Variants in CACNA2D1 observed in about 807,000 individuals in gnomAD.
CACNA2D1 encodes the protein calcium voltage-gated channel auxiliary subunit alpha2delta 1.
In CACNA2D1, 53 loss-of-function variants were observed where a neutral mutation model predicts 171.5. The ratio of observed to expected loss-of-function variants is 0.31; its 90% CI spans 0.25 to 0.39. The LOEUF (loss-of-function observed/expected upper bound fraction) is 0.39, where lower values mean the gene tolerates loss of function less well. CACNA2D1 is among the 10% of genes least tolerant of loss of function. The pLI, the probability that CACNA2D1 is intolerant of heterozygous loss-of-function variation, is 1.00. For synonymous variants in CACNA2D1, 442 were observed against 443.1 expected (o/e 1.00, Z 0.03); for missense variants, 903 against 1,299.8 (o/e 0.69, Z 4.69).
At chr7:82,071,240 G>A (rs1808288941) in intron 7 of CACNA2D1, among the ~76,000 whole-genome samples, 1 of 152,162 alleles carries the variant, frequency 6.6e-6, no homozygotes, top group African/African-American at 2.4e-5. Context: ...TTTTAGACAA[G>A]ATAGTTAATC....
intron 3 of CACNA2D1, among the ~76,000 whole-genome samples, chr7:82,326,962 A>C (rs1474942003): frequency 6.6e-6 from 1 of 152,242 alleles, no homozygotes; most frequent in Non-Finnish European, 1.5e-5. Flanking sequence ...TTTGTGCAAA[A>C]GTAATTGCAG....
chr7:82,222,239 T>C (rs1801849771), intron 3 of CACNA2D1, among the ~76,000 whole-genome samples: 1 of 152,294 alleles, frequency 6.6e-6, no homozygotes, highest in African/African-American at 2.4e-5. Context: ...ATTTAGATGA[T>C]GTTCAGCCAG....
At chr7:82,286,085 C>T (rs1272693292) in intron 3 of CACNA2D1, among the ~76,000 whole-genome samples, 4 of 152,106 alleles carry the variant, frequency 2.6e-5, no homozygotes, top group Non-Finnish European at 5.9e-5. Flanking sequence ...ACCACTGTTT[C>T]GTACTTTTTC....
intron 3 of CACNA2D1, among the ~76,000 whole-genome samples, chr7:82,267,710 C>T (rs1808048551): frequency 6.6e-6 from 1 of 151,898 alleles, no homozygotes; most frequent in African/African-American, 2.4e-5. Flanking sequence ...AACCTACAAA[C>T]TCGGCTGGGT....
At chr7:82,272,457 G>C (rs1808763234) in intron 3 of CACNA2D1, among the ~76,000 whole-genome samples, 1 of 152,128 alleles carries the variant, frequency 6.6e-6, no homozygotes, top group Admixed American at 6.6e-5. Context: ...CTCACAAATA[G>C]CATAAAGTAG....
At chr7:82,198,026 G>C (rs1799026825) in intron 3 of CACNA2D1, among the ~76,000 whole-genome samples, 1 of 152,030 alleles carries the variant, frequency 6.6e-6, no homozygotes, top group Non-Finnish European at 1.5e-5. Context: ...TACAGAGAGA[G>C]GAATCCCAGT....
At chr7:82,108,714 A>C (rs1399928183) in intron 6 of CACNA2D1, among the ~76,000 whole-genome samples, 1 of 152,220 alleles carries the variant, frequency 6.6e-6, no homozygotes, top group Admixed American at 6.5e-5. Context: ...GTTCTCTATG[A>C]ATATGCATGT....
rs1012669758 is a variant in CACNA2D1, at chr7:82,400,018, G to A, written c.95+43347C>T. On this transcript the variant is annotated intron_variant, in intron 1 of 38. Transcript: ENST00000356860. Reference sequence around the variant, plus strand: ...GATAAGATCAGATAGTTGTAGATATGCGGCGTTATTTCTGAGGGCTCTGTT... The same window carrying A: ...GATAAGATCAGATAGTTGTAGATATACGGCGTTATTTCTGAGGGCTCTGTT... 4.6e-5 allele frequency among the ~76,000 whole-genome samples: 7 copies of A among 151,970 alleles called. No individual in the cohort carries two copies. In the South Asian group the frequency reaches 1.0e-3, roughly 23 times the overall value.
At chr7:82,172,624 T>C (rs1055267130) in intron 3 of CACNA2D1, among the ~76,000 whole-genome samples, 2 of 139,552 alleles carry the variant, frequency 1.4e-5, no homozygotes, top group African/African-American at 5.6e-5. Flanking sequence ...GGCTTTTTTT[T>C]TTTTTTTTTT....
At chr7:82,060,378 G>T in intron 10 of CACNA2D1, 50 bp downstream of exon 10, 1 of 1,207,624 alleles carries the variant, frequency 8.3e-7, no homozygotes, top group Non-Finnish European at 1.2e-6. Context: ...GTCAGGAGAA[G>T]ATAGAAATTG....
chr7:82,059,380 A>G (rs1173917449), intron 10 of CACNA2D1, among the ~76,000 whole-genome samples: 1 of 152,194 alleles, frequency 6.6e-6, no homozygotes, highest in Non-Finnish European at 1.5e-5. Flanking sequence ...GACTTTAATA[A>G]GAGCACATTC....
At chr7:82,106,406 T>C (rs915356349) in intron 6 of CACNA2D1, among the ~76,000 whole-genome samples, 3 of 152,148 alleles carry the variant, frequency 2.0e-5, no homozygotes, top group South Asian at 2.1e-4. Flanking sequence ...GGCCTGTCAT[T>C]TGTTATACGC....
chr7:82,090,310 T>G (rs572720287), intron 6 of CACNA2D1, among the ~76,000 whole-genome samples: 58 of 152,150 alleles, frequency 3.8e-4, no homozygotes, highest in African/African-American at 1.4e-3. Context: ...AGAAAAACAT[T>G]TGTTAGGACT....
intron 4 of CACNA2D1, among the ~76,000 whole-genome samples, chr7:82,166,635 T>C (rs996014048): frequency 1.3e-5 from 2 of 152,076 alleles, no homozygotes; most frequent in Non-Finnish European, 2.9e-5. Flanking sequence ...TTCCAAGCTC[T>C]TTTTTGCTTC....
At chr7:82,425,546 T>A (rs2129458019) in intron 1 of CACNA2D1, among the ~76,000 whole-genome samples, 1 of 151,652 alleles carries the variant, frequency 6.6e-6, no homozygotes, top group South Asian at 2.1e-4. Flanking sequence ...TTCAATTTTT[T>A]TTTTTTTTTT....
intron 3 of CACNA2D1, among the ~76,000 whole-genome samples, chr7:82,323,260 T>C (rs1183693952): frequency 6.6e-6 from 1 of 151,654 alleles, no homozygotes; most frequent in East Asian, 1.9e-4. Flanking sequence ...GCTTGCTATG[T>C]TGTTAAAAAA....
At chr7:82,118,612 C>T (rs1041503337) in intron 5 of CACNA2D1, among the ~76,000 whole-genome samples, 8 of 151,978 alleles carry the variant, frequency 5.3e-5, no homozygotes, top group Non-Finnish European at 1.2e-4. Flanking sequence ...TAAGTCTTTT[C>T]TATTAATATT....
intron 1 of CACNA2D1, among the ~76,000 whole-genome samples, chr7:82,436,615 G>A (rs1461393114): frequency 6.6e-6 from 1 of 152,154 alleles, no homozygotes; most frequent in Admixed American, 6.5e-5. Flanking sequence ...GAAGAAAACA[G>A]AAGCATTAAG....
chr7:82,320,388 G>A (rs1305070082), intron 3 of CACNA2D1, among the ~76,000 whole-genome samples: 1 of 152,004 alleles, frequency 6.6e-6, no homozygotes, highest in Non-Finnish European at 1.5e-5. Flanking sequence ...TTTGTTAAAA[G>A]GAAAACAAAC....
Sources: gnomAD v4.1 joint callset for allele counts (sites outside exome capture counted in the v4.1 genomes callset) on GRCh38, gnomAD v4.1.1 for gene constraint, MANE v1.5 for transcripts, NCBI Gene and HGNC (gene_info 2026-07-23, HGNC 2026-07-21) for gene names.